SCCPDH: variants seen among roughly 807,000 people sequenced by gnomAD.
SCCPDH encodes saccharopine dehydrogenase-like oxidoreductase.
Under a neutral mutation model 51.5 loss-of-function variants are expected in SCCPDH, and 34 were observed. The observed-to-expected ratio is 0.66, with a 90% confidence interval of 0.50 to 0.88. The LOEUF is 0.88. Ranked by LOEUF, SCCPDH falls within the 40% of genes least tolerant of loss-of-function variation. The pLI, the probability that SCCPDH is intolerant of heterozygous loss-of-function variation, is 0.00. For missense variants in SCCPDH, 464 were observed against 527.1 expected, an observed-to-expected ratio of 0.88 and a Z score of 1.17; for synonymous variants, 187 against 191.3, an observed-to-expected ratio of 0.98 and a Z score of 0.19.
intron 5 of SCCPDH, among the ~76,000 whole-genome samples, chr1:246,745,709 A>G (rs555568873): frequency 6.6e-6 from 1 of 152,214 alleles, no homozygotes; most frequent in Non-Finnish European, 1.5e-5. Flanking sequence ...ATTAACGTAA[A>G]GAGGTATGTA....
chr1:246,730,329 C>T (rs1239672764), intron 2 of SCCPDH, among the ~76,000 whole-genome samples: 2 of 152,204 alleles, frequency 1.3e-5, no homozygotes, highest in East Asian at 1.9e-4. Context: ...GTCATCTTCT[C>T]GTAGTTTTCC....
chr1:246,727,916 G>A (rs565449942), intron 2 of SCCPDH, among the ~76,000 whole-genome samples: 1 of 152,258 alleles, frequency 6.6e-6, no homozygotes, highest in Admixed American at 6.5e-5. Flanking sequence ...TGACCAAGAG[G>A]CGTTGAATGG....
At chr1:246,760,698 C>G (rs1668999690) in intron 9 of SCCPDH, among the ~76,000 whole-genome samples, 1 of 152,172 alleles carries the variant, frequency 6.6e-6, no homozygotes, top group African/African-American at 2.4e-5. Flanking sequence ...GCCTCATTTT[C>G]TACCGTTTGG....
intron 5 of SCCPDH, among the ~76,000 whole-genome samples, chr1:246,750,959 ACT>A (rs1668843084): frequency 6.6e-6 from 1 of 152,092 alleles, no homozygotes; most frequent in South Asian, 2.1e-4. Context: ...GCACCCATAA[ACT>A]CTGAGGACTG....
intron 3 of SCCPDH, among the ~76,000 whole-genome samples, chr1:246,736,688 G>A (rs1238873106): frequency 5.9e-5 from 9 of 151,694 alleles, no homozygotes; most frequent in African/African-American, 1.2e-4. Flanking sequence ...GCCACAGAGC[G>A]AGAGCGAGAC....
In SCCPDH at chr1:246,765,822, A is replaced by T. The variant is rs143610331; in HGVS notation, c.1103-236A>T. Among the ~76,000 whole-genome samples, 1,445 of 152,304 alleles carry T rather than the reference A, an allele frequency of 9.5e-3. 13 individuals carry two copies. Among genetic ancestry groups the T allele is most frequent in the Non-Finnish European group, 0.017 (1,127 of 68,026 alleles). ...TCTCTATGGGATAAAAGTAATATTG[A>T]CCTTAAATAATTGTTATGAAAATTA... On this transcript the variant is annotated intron_variant, in intron 10 of 11. Transcript: ENST00000366510.
chr1:246,751,490 T>C (rs959291650), intron 5 of SCCPDH, among the ~76,000 whole-genome samples: 1 of 152,166 alleles, frequency 6.6e-6, no homozygotes, highest in Non-Finnish European at 1.5e-5. Context: ...CACATTCTTA[T>C]GCCTCCTTAT....
chr1:246,742,462 T>C lies in SCCPDH; in HGVS notation c.515-1614T>C, dbSNP rs954250805. On this transcript the variant is annotated intron_variant, in intron 4 of 11. Transcript: ENST00000366510. The stretch of plus-strand genomic sequence containing the variant: ...GTTGATGCAGGTGGTCCACTTTTAT[T>C]GGATTACCGCTTTAGGTGTTCTGTG... Among the ~76,000 whole-genome samples the C allele has an allele frequency of 3.9e-5, 6 of 152,232 alleles. No individual in the cohort carries two copies. In the East Asian group the frequency reaches 9.6e-4, roughly 24 times the overall value.
Position 246,740,314 on chromosome 1 carries a change from C to A in SCCPDH, c.514+13C>A. 6.4e-7 allele frequency: 1 copy of A among 1,572,402 alleles called. No homozygotes were observed. The highest frequency in any genetic ancestry group is 1.2e-5 in the South Asian group (1 of 85,340). On this transcript the variant is annotated intron_variant, in intron 4 of 11. Coordinates refer to ENST00000366510, the MANE Select transcript of SCCPDH (RefSeq NM_016002.3). ...AATAAAATGAATGGTAATTATTGAT[C>A]AATAAGCAATAATGGAATTTAACAG...
At chr1:246,763,979 C>T (rs1448747404) in intron 9 of SCCPDH, among the ~76,000 whole-genome samples, 2 of 152,028 alleles carry the variant, frequency 1.3e-5, no homozygotes, top group Non-Finnish European at 2.9e-5. Flanking sequence ...TTCTGCCCCC[C>T]GATAAAAACT....
chr1:246,743,435 TA>T (rs1471463480), intron 4 of SCCPDH, among the ~76,000 whole-genome samples: 2 of 150,800 alleles, frequency 1.3e-5, no homozygotes, highest in Non-Finnish European at 3.0e-5. Flanking sequence ...ATACAAAAAT[TA>T]GCCGGGCATG....
chr1:246,731,772 G>A (rs549480080), intron 2 of SCCPDH, among the ~76,000 whole-genome samples: 68 of 152,190 alleles, frequency 4.5e-4, no homozygotes, highest in South Asian at 1.2e-3. Context: ...ATGCAGGCTC[G>A]TTACATAGGT....
chr1:246,736,581 A>T (rs1204065638), intron 3 of SCCPDH, among the ~76,000 whole-genome samples: 1 of 152,064 alleles, frequency 6.6e-6, no homozygotes, highest in Non-Finnish European at 1.5e-5. Context: ...GGCACCTGTC[A>T]TCCCAGCTTC....
chr1:246,762,856 A>G (rs2102991197), intron 9 of SCCPDH, among the ~76,000 whole-genome samples: 2 of 151,538 alleles, frequency 1.3e-5, no homozygotes, highest in South Asian at 2.1e-4. Context: ...AAAAAAAAAA[A>G]AAAAAAGAAT....
intron 3 of SCCPDH, 41 bp from the exon 4 acceptor site, chr1:246,740,131 T>C: frequency 2.0e-6 from 3 of 1,491,822 alleles, no homozygotes; most frequent in Non-Finnish European, 2.7e-6. Flanking sequence ...GTCTACATCT[T>C]TCTGCATAAC....
intron 5 of SCCPDH, among the ~76,000 whole-genome samples, chr1:246,756,122 A>AT (rs1343239055): frequency 6.6e-6 from 1 of 152,218 alleles, no homozygotes; most frequent in African/African-American, 2.4e-5. Context: ...AAAACACACG[A>AT]TTAAGAAAGT....
intron 2 of SCCPDH, among the ~76,000 whole-genome samples, chr1:246,729,266 A>G (rs1198332086): frequency 6.6e-6 from 1 of 152,202 alleles, no homozygotes; most frequent in African/African-American, 2.4e-5. Context: ...ACGAGAGCAG[A>G]CAACCAGTTT....
chr1:246,749,821 G>A (rs1191422430), intron 5 of SCCPDH, among the ~76,000 whole-genome samples: 2 of 152,190 alleles, frequency 1.3e-5, no homozygotes, highest in East Asian at 3.8e-4. Context: ...GGAGAGCTAG[G>A]AAGGATAAAG....
chr1:246,737,843 C>T (rs1049046396), intron 3 of SCCPDH, among the ~76,000 whole-genome samples: 5 of 152,078 alleles, frequency 3.3e-5, no homozygotes, highest in Admixed American at 6.5e-5. Context: ...CCACCTGCAT[C>T]GGCCTCCCAG....
Sources: allele counts gnomAD v4.1 joint callset (sites outside exome capture counted in the v4.1 genomes callset), GRCh38; gene constraint gnomAD v4.1.1; transcripts MANE v1.5; gene names NCBI Gene and HGNC (gene_info 2026-07-23, HGNC 2026-07-21).